ARFGAP3: variants seen among roughly 807,000 people sequenced by gnomAD.
The protein encoded by ARFGAP3 is ARF GTPase activating protein 3.
Under a neutral mutation model 75.0 loss-of-function variants are expected in ARFGAP3, and 72 were observed. The ratio of observed to expected loss-of-function variants is 0.96; its 90% CI spans 0.79 to 1.17. ARFGAP3 has a LOEUF of 1.17. Ranked by LOEUF, ARFGAP3 falls within the 50% of genes most tolerant of loss-of-function variation. The pLI is 0.00. For missense variants in ARFGAP3, 620 were observed against 626.6 expected, an observed-to-expected ratio of 0.99 and a Z score of 0.11; for synonymous variants, 221 against 217.9, an observed-to-expected ratio of 1.01 and a Z score of -0.13.
At chr22:42,849,112 T>C (rs1413548618) in intron 1 of ARFGAP3, among the ~76,000 whole-genome samples, 3 of 152,140 alleles carry the variant, frequency 2.0e-5, no homozygotes, top group Non-Finnish European at 2.9e-5. Flanking sequence ...CCAACCACCA[T>C]GTGAGTAAGC....
intron 11 of ARFGAP3, among the ~76,000 whole-genome samples, chr22:42,816,222 A>C (rs1389777219): frequency 1.3e-5 from 2 of 152,268 alleles, no homozygotes; most frequent in Non-Finnish European, 2.9e-5. Context: ...GCACCATTCT[A>C]AACGTGCTAT....
chr22:42,812,223 T>TAAAAA (rs1569141615), intron 11 of ARFGAP3, among the ~76,000 whole-genome samples: 2 of 16,334 alleles, frequency 1.2e-4, no homozygotes, highest in African/African-American at 1.3e-3. Context: ...GGATACTGTC[T>TAAAAA]CAAAAAAAAA....
At chr22:42,799,294 T>G (rs1602085660) in intron 14 of ARFGAP3, 134 bp from the exon 15 acceptor site, 4 of 1,465,584 alleles carry the variant, frequency 2.7e-6, no homozygotes, top group Admixed American at 4.7e-5. Flanking sequence ...GGCCCAACAG[T>G]GGGATGGAGA....
intron 3 of ARFGAP3, chr22:42,835,748 G>T (rs1926494129): frequency 6.5e-6 from 1 of 152,900 alleles, no homozygotes; most frequent in Non-Finnish European, 1.5e-5. Context: ...GAACCTGGGA[G>T]GCGGAGCTTG....
intron 13 of ARFGAP3, 46 bp from the exon 14 acceptor site, chr22:42,807,209 G>A: frequency 6.4e-7 from 1 of 1,558,454 alleles, no homozygotes; most frequent in Non-Finnish European, 8.7e-7. Flanking sequence ...AAAGATTGTG[G>A]GCAGTTTTGC....
At chr22:42,820,305 G>A (rs1178508554) in intron 9 of ARFGAP3, among the ~76,000 whole-genome samples, 1 of 152,166 alleles carries the variant, frequency 6.6e-6, no homozygotes, top group South Asian at 2.1e-4. Context: ...ACAAGTCAAC[G>A]TAAATTTTTG....
intron 5 of ARFGAP3, among the ~76,000 whole-genome samples, chr22:42,833,097 A>G (rs190291912): frequency 4.1e-4 from 62 of 152,336 alleles, no homozygotes; most frequent in African/African-American, 1.4e-3. Flanking sequence ...GAGAGGCCAC[A>G]GAAGTACTAT....
chr22:42,816,384 G>C (rs1431496310), intron 11 of ARFGAP3, among the ~76,000 whole-genome samples: 1 of 152,192 alleles, frequency 6.6e-6, no homozygotes, highest in East Asian at 1.9e-4. Context: ...TCAAATCCAT[G>C]CCATCTGGCC....
intron 12 of ARFGAP3, among the ~76,000 whole-genome samples, chr22:42,810,111 C>T (rs1925298099): frequency 2.0e-5 from 3 of 151,964 alleles, no homozygotes; most frequent in African/African-American, 7.3e-5. Context: ...ACTCCACACA[C>T]ACATTTCTTT....
intron 4 of ARFGAP3, among the ~76,000 whole-genome samples, chr22:42,834,599 G>A (rs1033570605): frequency 6.6e-6 from 1 of 152,140 alleles, no homozygotes; most frequent in Admixed American, 6.5e-5. Flanking sequence ...CTAAATGCAG[G>A]TTCCAAATGA....
At chr22:42,847,198 T>C (rs4820490) in intron 2 of ARFGAP3, 75,720 of 208,014 alleles carry the variant, frequency 0.36, 15,295 homozygotes, top group Middle Eastern at 0.43. Context: ...GACAGGGTCT[T>C]ACTCTGTCGC....
chr22:42,836,746 G>C (rs537929966), intron 3 of ARFGAP3, among the ~76,000 whole-genome samples: 1 of 152,254 alleles, frequency 6.6e-6, no homozygotes, highest in African/African-American at 2.4e-5. Context: ...ACATGTTCCG[G>C]ATCCTGTTGT....
At chr22:42,802,103 C>T (rs992477062) in intron 14 of ARFGAP3, among the ~76,000 whole-genome samples, 5 of 152,086 alleles carry the variant, frequency 3.3e-5, no homozygotes, top group Admixed American at 2.6e-4. Context: ...TCTGAAAGAT[C>T]CCTGTGGGAA....
intron 1 of ARFGAP3, among the ~76,000 whole-genome samples, chr22:42,855,773 G>A (rs1927467069): frequency 6.6e-6 from 1 of 151,958 alleles, no homozygotes; most frequent in African/African-American, 2.4e-5. Flanking sequence ...ACTCTGGGAG[G>A]CCAAGGCAGG....
At chr22:42,853,797 C>T (rs1739214175) in intron 1 of ARFGAP3, 1 of 168,970 alleles carries the variant, frequency 5.9e-6, no homozygotes. Context: ...GAGGCACTGG[C>T]ATCCTGCTGC....
intron 5 of ARFGAP3, among the ~76,000 whole-genome samples, chr22:42,833,246 C>T (rs930036454): frequency 1.3e-5 from 2 of 152,188 alleles, no homozygotes; most frequent in Non-Finnish European, 2.9e-5. Flanking sequence ...GATAATACTA[C>T]ATAAACAGCA....
chr22:42,840,447 C>T (rs904484325), intron 3 of ARFGAP3, among the ~76,000 whole-genome samples: 5 of 151,924 alleles, frequency 3.3e-5, no homozygotes, highest in African/African-American at 4.8e-5. Context: ...GATGGAGTCT[C>T]GCTCTGTCAC....
At position 42,835,424 on chromosome 22, in the gene ARFGAP3, G is replaced by C; in HGVS notation, c.331C>G (p.Gln111Glu). 6.2e-7 allele frequency: 1 copy of C among 1,614,136 alleles called. No individual in the cohort carries two copies. Residue 111 changes from glutamine (Q) to glutamate (E), a missense_variant, in exon 4 of 16, where the codon CAG (glutamine) becomes GAG (glutamate). Gln to Glu is a conservative substitution (Grantham distance 29). Coordinates refer to ENST00000263245, the MANE Select transcript of ARFGAP3 (RefSeq NM_014570.5). The stretch of plus-strand genomic sequence containing the variant: ...GATTTGATTTTCTCCCTATAGAGCT[G>C]AGCAGCACGACTGTTGTACTTGGCA... ...TNAKYNSRAAQLYREKIKSLA... is the reference protein window; with the variant it reads ...TNAKYNSRAAELYREKIKSLA...
chr22:42,835,177 A>G (rs1926463098), intron 4 of ARFGAP3, among the ~76,000 whole-genome samples, 185 bp downstream of exon 4: 1 of 152,252 alleles, frequency 6.6e-6, no homozygotes, highest in Admixed American at 6.5e-5. Context: ...ATGTTTTAGT[A>G]TTCACTAATC....
Sources: allele counts gnomAD v4.1 joint callset (sites outside exome capture counted in the v4.1 genomes callset), GRCh38; gene constraint gnomAD v4.1.1; transcripts MANE v1.5; gene names NCBI Gene and HGNC (gene_info 2026-07-23, HGNC 2026-07-21).